Variants in TRIP12 observed in about 807,000 individuals in gnomAD.
TRIP12 encodes thyroid hormone receptor interactor 12.
A neutral mutation model predicts 244.2 loss-of-function variants in TRIP12; 25 were observed. That is an observed-to-expected ratio of 0.10 (90% CI 0.07 to 0.14). The LOEUF (loss-of-function observed/expected upper bound fraction) is 0.14, where lower values mean the gene tolerates loss of function less well. Among genes scored for constraint, TRIP12 ranks in the 10% least tolerant of loss-of-function variants. The probability of loss-of-function intolerance (pLI) is 1.00; values close to 1 mark genes in which losing one functional copy is unlikely to be tolerated. For synonymous variants in TRIP12, 905 were observed against 873.1 expected (o/e 1.04, Z -0.64); for missense variants, 1,677 against 2,486.4 (o/e 0.67, Z 6.92).
chr2:229,864,055 T>A (rs373026656), intron 2 of TRIP12, among the ~76,000 whole-genome samples: 345 of 124,466 alleles, frequency 2.8e-3, no homozygotes, highest in Middle Eastern at 8.9e-3. Flanking sequence ...AGAGTGTGTG[T>A]GTGTGTGTGT....
chr2:229,920,036 C>T (rs937457440), intron 1 of TRIP12, among the ~76,000 whole-genome samples: 1 of 152,198 alleles, frequency 6.6e-6, no homozygotes, highest in African/African-American at 2.4e-5. Flanking sequence ...TTTATTGTCT[C>T]TAAACCTCTG....
intron 8 of TRIP12, among the ~76,000 whole-genome samples, chr2:229,824,145 G>A (rs1005406000): frequency 2.0e-5 from 3 of 152,196 alleles, no homozygotes; most frequent in Non-Finnish European, 4.4e-5. Context: ...TAAGGTTCTT[G>A]TACTGTTTGA....
intron 41 of TRIP12, among the ~76,000 whole-genome samples, chr2:229,768,277 A>T (rs1230193534): frequency 6.6e-6 from 1 of 152,188 alleles, no homozygotes; most frequent in Non-Finnish European, 1.5e-5. Flanking sequence ...AACAAAACAA[A>T]AACAACAGAA....
chr2:229,832,370 T>C (rs1274013040), intron 6 of TRIP12, among the ~76,000 whole-genome samples: 1 of 152,212 alleles, frequency 6.6e-6, no homozygotes, highest in African/African-American at 2.4e-5. Context: ...ATAAAACATT[T>C]ACTATCTGGC....
At chr2:229,922,272 C>CATTAAAAA, upstream of TRIP12, 3 of 530,058 alleles carry the variant, frequency 5.7e-6, no homozygotes, top group Admixed American at 3.3e-5. Flanking sequence ...CCGCCGGGGT[C>CATTAAAAA]ACCCCCTCCC....
intron 11 of TRIP12, 41 bp from the exon 12 acceptor site, chr2:229,814,366 G>A (rs1197314197): frequency 1.9e-6 from 3 of 1,582,736 alleles, no homozygotes; most frequent in African/African-American, 2.7e-5. Flanking sequence ...TATCATTTAA[G>A]TTCTTTCCCA....
At chr2:229,872,537 C>T (rs1020933646) in intron 2 of TRIP12, among the ~76,000 whole-genome samples, 19 of 152,038 alleles carry the variant, frequency 1.2e-4, no homozygotes, top group African/African-American at 4.6e-4. Flanking sequence ...GCACTCCAGC[C>T]TGTGAGACAG....
intron 5 of TRIP12, 25 bp downstream of exon 5, chr2:229,840,797 C>T: frequency 7.1e-7 from 1 of 1,407,644 alleles, no homozygotes; most frequent in Non-Finnish European, 9.7e-7. Flanking sequence ...AATGAACTCA[C>T]TATAAAAAAA....
At chr2:229,912,433 A>C (rs891520748) in intron 1 of TRIP12, among the ~76,000 whole-genome samples, 1 of 152,216 alleles carries the variant, frequency 6.6e-6, no homozygotes, top group African/African-American at 2.4e-5. Context: ...CTCCCATTTA[A>C]GAACTTCAAT....
At chr2:229,921,839 C>T (rs2076651967) in intron 1 of TRIP12, 41 bp downstream of exon 1, 1 of 137,556 alleles carries the variant, frequency 7.3e-6, no homozygotes, top group Non-Finnish European at 1.6e-5. Flanking sequence ...GCCCCCTCCC[C>T]CAAGGCTTGC....
intron 34 of TRIP12, among the ~76,000 whole-genome samples, chr2:229,779,998 T>C (rs531482531): frequency 1.3e-5 from 2 of 152,334 alleles, no homozygotes; most frequent in South Asian, 2.1e-4. Context: ...GAAGGCAACA[T>C]TTATAGATTA....
intron 4 of TRIP12, among the ~76,000 whole-genome samples, chr2:229,857,805 A>G (rs369598028): frequency 1.3e-5 from 2 of 152,212 alleles, no homozygotes; most frequent in East Asian, 3.9e-4. Flanking sequence ...TCTTCCATCT[A>G]CTTTCTGTTT....
In TRIP12 at chr2:229,867,361, T is replaced by A. The variant is rs566785113; in HGVS notation, c.99-6830A>T. Among the ~76,000 whole-genome samples the A allele has an allele frequency of 2.0e-5, 3 of 152,138 alleles. No homozygotes were observed. The South Asian group carries it at 6.2e-4, about 32-fold the overall frequency. ...TTATATTTTTAGTAAAGATGGGATT[T>A]CACTATGTTGGCCAGGCTGGTCTCG... On this transcript the variant is annotated intron_variant, in intron 2 of 41. Transcript: ENST00000675903.
At position 229,807,806 on chromosome 2, in the gene TRIP12, T is replaced by C; in HGVS notation, c.2398A>G (p.Lys800Glu). 3 of 1,614,148 alleles carry C rather than the reference T, an allele frequency of 1.9e-6. No homozygotes were observed. The highest frequency in any genetic ancestry group is 1.7e-5 in the Admixed American group (1 of 60,018). The change falls in exon 17 of 42, where the codon AAG becomes GAG. Residue 800 changes from lysine to glutamate, a missense_variant. Coordinates refer to ENST00000675903, the MANE Select transcript of TRIP12 (RefSeq NM_001348323.3). ...CCATCTGTGTTCTGTGCATTTCCCT[T>C]CTTCAACATGGTATCAACTGCAAAA... is the stretch of plus-strand genomic sequence containing the variant. Reference protein sequence around the residue: ...GIFAVDTMLKKGNAQNTDGAI... With the variant: ...GIFAVDTMLKEGNAQNTDGAI...
intron 30 of TRIP12, among the ~76,000 whole-genome samples, chr2:229,790,277 G>C (rs1362871045): frequency 6.6e-6 from 1 of 152,038 alleles, no homozygotes; most frequent in Admixed American, 6.6e-5. Flanking sequence ...TTAAGTAAAG[G>C]CATCAAAAAA....
intron 8 of TRIP12, among the ~76,000 whole-genome samples, chr2:229,825,267 C>G (rs2051234933): frequency 6.6e-6 from 1 of 152,058 alleles, no homozygotes; most frequent in African/African-American, 2.4e-5. Context: ...ACCCTGTAGA[C>G]CTAAATATGA....
intron 6 of TRIP12, among the ~76,000 whole-genome samples, chr2:229,835,683 A>G (rs1269124265): frequency 6.6e-6 from 1 of 152,230 alleles, no homozygotes; most frequent in Non-Finnish European, 1.5e-5. Flanking sequence ...TGTACACTGT[A>G]TATTAGTTAT....
In TRIP12 at chr2:229,813,894, C is replaced by G; in HGVS notation, c.1962G>C (p.Leu654Phe). The change falls in exon 13 of 42, where the codon TTG becomes TTC. Residue 654 changes from leucine (L) to phenylalanine (F), a missense_variant. Coordinates refer to ENST00000675903, the MANE Select transcript of TRIP12 (RefSeq NM_001348323.3). ...CCTGATGTGTTAGCCTTTGGGTTAG[C>G]AATGGGAGTGAATCTGCCACAAAAT... The part of the protein sequence containing the change: ...EFHFVADSLP[L>F]LTQRLTHQDK... 6.4e-7 allele frequency: 1 copy of G among 1,569,842 alleles called. No individual in the cohort carries two copies. Among genetic ancestry groups the G allele is most frequent in the Non-Finnish European group, 8.7e-7 (1 of 1,148,294 alleles).
intron 26 of TRIP12, among the ~76,000 whole-genome samples, chr2:229,794,144 A>G (rs1335448375): frequency 1.3e-5 from 2 of 152,210 alleles, no homozygotes; most frequent in Non-Finnish European, 2.9e-5. Context: ...TGAATACCAC[A>G]CACTACATTA....
Sources: allele counts gnomAD v4.1 joint callset (sites outside exome capture counted in the v4.1 genomes callset), GRCh38; gene constraint gnomAD v4.1.1; transcripts MANE v1.5; gene names NCBI Gene and HGNC (gene_info 2026-07-23, HGNC 2026-07-21).